Variants in PSMD1 observed in about 807,000 individuals in gnomAD.
The protein encoded by PSMD1 is proteasome 26S subunit, non-ATPase 1.
Under a neutral mutation model 119.0 loss-of-function variants are expected in PSMD1, and 18 were observed. The ratio of observed to expected loss-of-function variants is 0.15; its 90% CI spans 0.10 to 0.22. PSMD1 has a LOEUF of 0.22. PSMD1 is among the 10% of genes least tolerant of loss of function. The pLI, the probability that PSMD1 is intolerant of heterozygous loss-of-function variation, is 1.00. For synonymous variants in PSMD1, 374 were observed against 396.6 expected (o/e 0.94, Z 0.68); for missense variants, 702 against 1,158.5 (o/e 0.61, Z 5.72).
intron 16 of PSMD1, among the ~76,000 whole-genome samples, chr2:231,131,600 A>G (rs1695854460): frequency 1.1e-5 from 1 of 93,686 alleles, no homozygotes; most frequent in Non-Finnish European, 1.8e-5. Flanking sequence ...GTCTCTACTA[A>G]AAATACAAAA....
intron 20 of PSMD1, among the ~76,000 whole-genome samples, chr2:231,162,116 T>G (rs1342482073): frequency 1.3e-5 from 2 of 152,226 alleles, no homozygotes; most frequent in Non-Finnish European, 2.9e-5. Flanking sequence ...CTGACTTAAG[T>G]CAGAAATTTA....
intron 16 of PSMD1, chr2:231,109,192 T>C (rs766497659): frequency 3.7e-6 from 6 of 1,614,136 alleles, no homozygotes; most frequent in Non-Finnish European, 2.5e-6. Context: ...ATGTTAGGCG[T>C]TGAGGTGGCT....
At chr2:231,057,084 G>C in intron 1 of PSMD1, 43 bp downstream of exon 1, 1 of 1,482,874 alleles carries the variant, frequency 6.7e-7, no homozygotes, top group Non-Finnish European at 8.9e-7. Flanking sequence ...AGGAGCCGCC[G>C]CCGCGCCGGC....
At chr2:231,128,776 T>C (rs981758972) in intron 16 of PSMD1, among the ~76,000 whole-genome samples, 3 of 152,286 alleles carry the variant, frequency 2.0e-5, no homozygotes, top group Non-Finnish European at 4.4e-5. Context: ...GGGGGTGTGG[T>C]AGGCAGACAG....
At chr2:231,081,946 T>G (rs1440950280) in intron 12 of PSMD1, among the ~76,000 whole-genome samples, 1 of 152,210 alleles carries the variant, frequency 6.6e-6, no homozygotes, top group African/African-American at 2.4e-5. Flanking sequence ...TCTTGACATC[T>G]CCCTCTTAGT....
At chr2:231,145,606 A>C (rs1195780805) in intron 17 of PSMD1, among the ~76,000 whole-genome samples, 1 of 152,042 alleles carries the variant, frequency 6.6e-6, no homozygotes, top group African/African-American at 2.4e-5. Context: ...TTTAAAACAC[A>C]AACCTGGGCG....
At chr2:231,137,631 C>T (rs765884848) in intron 16 of PSMD1, among the ~76,000 whole-genome samples, 22 of 151,810 alleles carry the variant, frequency 1.4e-4, no homozygotes, top group Non-Finnish European at 2.5e-4. Flanking sequence ...GTTTGTGGGA[C>T]GGTAGATCCC....
At chr2:231,104,908 T>TC (rs1312317643) in intron 16 of PSMD1, among the ~76,000 whole-genome samples, 2 of 152,144 alleles carry the variant, frequency 1.3e-5, no homozygotes, top group Non-Finnish European at 2.9e-5. Flanking sequence ...CCATCTTTTT[T>TC]CCCCCCTTTA....
At chr2:231,121,617 G>A (rs983017654) in intron 16 of PSMD1, among the ~76,000 whole-genome samples, 28 of 152,192 alleles carry the variant, frequency 1.8e-4, no homozygotes, top group African/African-American at 5.8e-4. Context: ...TATTAAACAG[G>A]TAAATCTTTG....
rs764590208 is a variant in PSMD1 at position 231,153,550 on chromosome 2, T to G, written c.2116-14T>G. The G allele has an allele frequency of 9.5e-5, 149 of 1,563,726 alleles. 2 individuals are homozygous for G. In the South Asian group the frequency reaches 1.6e-3, roughly 16 times the overall value. ...AGTAGACTTAGACTATAATTCTTTC[T>G]CTTGCTCCTTCAGGTGAATCAGTTC... On this transcript the variant is annotated splice_polypyrimidine_tract_variant and intron_variant, in intron 18 of 24. Coordinates refer to ENST00000308696, the MANE Select transcript of PSMD1 (RefSeq NM_002807.4).
At chr2:231,123,682 G>A in intron 16 of PSMD1, 1 of 1,614,072 alleles carries the variant, frequency 6.2e-7, no homozygotes, top group Non-Finnish European at 8.5e-7. Flanking sequence ...CCAGTTAGAA[G>A]AGATAACGTG....
intron 17 of PSMD1, among the ~76,000 whole-genome samples, chr2:231,139,314 CTTTT>C (rs60709158): frequency 1.4e-4 from 13 of 93,538 alleles, no homozygotes; most frequent in African/African-American, 4.7e-4. Flanking sequence ...TTTTTTCTTT[CTTTT>C]TTTTTTTTTT....
chr2:231,100,782 T>C (rs1241368486), intron 16 of PSMD1, among the ~76,000 whole-genome samples: 1 of 152,204 alleles, frequency 6.6e-6, no homozygotes, highest in Non-Finnish European at 1.5e-5. Context: ...TTATATACTG[T>C]TGCCATTGAG....
At chr2:231,097,316 C>T (rs1694750704) in intron 16 of PSMD1, among the ~76,000 whole-genome samples, 1 of 152,202 alleles carries the variant, frequency 6.6e-6, no homozygotes, top group Non-Finnish European at 1.5e-5. Context: ...TACTGAACTA[C>T]TTTTCTAGCC....
intron 16 of PSMD1, among the ~76,000 whole-genome samples, chr2:231,102,779 A>G (rs953223902): frequency 4.6e-5 from 7 of 152,070 alleles, no homozygotes; most frequent in African/African-American, 1.4e-4. Flanking sequence ...TGAAAAAAAA[A>G]TTGCATATTA....
intron 18 of PSMD1, among the ~76,000 whole-genome samples, chr2:231,150,128 G>A (rs771382911): frequency 3.9e-5 from 6 of 152,038 alleles, no homozygotes; most frequent in East Asian, 3.9e-4. Context: ...GGTGGATCAC[G>A]CGGTCAGGAG....
chr2:231,157,676 C>T (rs372047363), intron 19 of PSMD1, among the ~76,000 whole-genome samples: 3 of 151,966 alleles, frequency 2.0e-5, no homozygotes, highest in East Asian at 1.9e-4. Flanking sequence ...AAGCAATTCT[C>T]CTGCCTCAGT....
intron 22 of PSMD1, 25 bp downstream of exon 22, chr2:231,165,311 G>T: frequency 6.4e-7 from 1 of 1,566,238 alleles, no homozygotes; most frequent in Non-Finnish European, 8.7e-7. Flanking sequence ...GTGGTCATAT[G>T]GATTGAAGTA....
At chr2:231,155,032 T>G (rs563903948) in intron 19 of PSMD1, among the ~76,000 whole-genome samples, 7 of 152,346 alleles carry the variant, frequency 4.6e-5, no homozygotes, top group African/African-American at 1.7e-4. Context: ...GGAGTTCATT[T>G]GACATATGCC....
Sources: allele counts gnomAD v4.1 joint callset (sites outside exome capture counted in the v4.1 genomes callset), GRCh38; gene constraint gnomAD v4.1.1; transcripts MANE v1.5; gene names NCBI Gene and HGNC (gene_info 2026-07-23, HGNC 2026-07-21).